ZFYVE1: variants seen among roughly 807,000 people sequenced by gnomAD.
ZFYVE1 encodes the protein zinc finger FYVE-type containing 1.
A neutral mutation model predicts 74.4 loss-of-function variants in ZFYVE1; 30 were observed. That is an observed-to-expected ratio of 0.40 (90% confidence interval 0.30 to 0.55). The LOEUF (loss-of-function observed/expected upper bound fraction) is 0.55, where lower values mean the gene tolerates loss of function less well. Among genes scored for constraint, ZFYVE1 ranks in the 20% least tolerant of loss-of-function variants. The pLI, the probability that ZFYVE1 is intolerant of heterozygous loss-of-function variation, is 0.42. For missense variants in ZFYVE1, 703 were observed against 1,011.6 expected (o/e 0.69, Z 4.14); for synonymous variants, 335 against 385.1 (o/e 0.87, Z 1.52).
intron 2 of ZFYVE1, among the ~76,000 whole-genome samples, chr14:73,000,963 C>T (rs1893856756): frequency 6.6e-6 from 1 of 152,202 alleles, no homozygotes; most frequent in African/African-American, 2.4e-5. Flanking sequence ...GCATTTCTTA[C>T]ACGTGCTCTT....
chr14:72,978,067 C>T (rs773939972), intron 7 of ZFYVE1, 23 bp from the exon 8 acceptor site: 6 of 1,613,952 alleles, frequency 3.7e-6, no homozygotes, highest in African/African-American at 2.7e-5. Flanking sequence ...CAAATCAATA[C>T]TGTTACCCAG....
chr14:73,000,608 G>GAA (rs554256584), intron 2 of ZFYVE1, among the ~76,000 whole-genome samples: 4 of 113,388 alleles, frequency 3.5e-5, no homozygotes, highest in Admixed American at 9.1e-5. Context: ...TGTCTCTAAA[G>GAA]AAAAAAAAAA....
chr14:73,005,636 A>T (rs752431871), intron 2 of ZFYVE1, among the ~76,000 whole-genome samples: 2 of 152,192 alleles, frequency 1.3e-5, no homozygotes, highest in Non-Finnish European at 2.9e-5. Context: ...ATGAGATAAT[A>T]ACAGATGTCC....
At chr14:72,980,184 G>T (rs771963466) in intron 5 of ZFYVE1, among the ~76,000 whole-genome samples, 1 of 152,186 alleles carries the variant, frequency 6.6e-6, no homozygotes, top group Non-Finnish European at 1.5e-5. Context: ...CAAGAAGCAG[G>T]TCTTTTTCTC....
intron 4 of ZFYVE1, among the ~76,000 whole-genome samples, chr14:72,991,574 C>T (rs1016957746): frequency 6.6e-6 from 1 of 151,238 alleles, no homozygotes; most frequent in Non-Finnish European, 1.5e-5. Context: ...GCCTATTTGC[C>T]TTATAATGCA....
intron 2 of ZFYVE1, among the ~76,000 whole-genome samples, chr14:73,009,300 T>G (rs1485705328): frequency 6.6e-6 from 1 of 152,246 alleles, no homozygotes. Flanking sequence ...ATAGGATTTC[T>G]GCAAAAATTA....
chr14:73,013,654 C>T (rs1277611272), intron 2 of ZFYVE1, among the ~76,000 whole-genome samples: 2 of 151,956 alleles, frequency 1.3e-5, no homozygotes, highest in African/African-American at 4.8e-5. Flanking sequence ...AAATATTCTC[C>T]AGGGAAGTAT....
At chr14:73,017,268 T>G (rs1176850918) in intron 2 of ZFYVE1, among the ~76,000 whole-genome samples, 1 of 152,260 alleles carries the variant, frequency 6.6e-6, no homozygotes, top group Non-Finnish European at 1.5e-5. Context: ...TCAGCACTAC[T>G]GACCTTTTAT....
rs78439368 is a variant in ZFYVE1, at chr14:73,020,304, A to G, written c.483+3722T>C. ...AAAGGAAAGGAAAGGATAAGTATACATGAAAAAATTCTAGAAAGGCATGCA... is the reference window on the plus strand; with the variant it reads ...AAAGGAAAGGAAAGGATAAGTATACGTGAAAAAATTCTAGAAAGGCATGCA... On this transcript the variant is annotated intron_variant, in intron 2 of 11. Coordinates refer to ENST00000556143, the MANE Select transcript of ZFYVE1 (RefSeq NM_021260.4). Among the ~76,000 whole-genome samples the G allele has an allele frequency of 9.3e-4, 141 of 151,524 alleles. No homozygotes were observed. The East Asian group carries it at 0.026, about 28-fold the overall frequency.
In ZFYVE1 at chr14:73,012,033, T is replaced by C. The variant is rs761584788; in HGVS notation, c.483+11993A>G. Reference sequence around the variant, plus strand: ...GACTTTGAGACCAGCCTGGGCAACATAGCAAGACCCCATCTCTATTAAAAA... The same window carrying C: ...GACTTTGAGACCAGCCTGGGCAACACAGCAAGACCCCATCTCTATTAAAAA... On this transcript the variant is annotated intron_variant, in intron 2 of 11. Coordinates refer to ENST00000556143, the MANE Select transcript of ZFYVE1 (RefSeq NM_021260.4). Among the ~76,000 whole-genome samples, 7 of 150,886 alleles carry C rather than the reference T, an allele frequency of 4.6e-5. 1 individual carries two copies. The highest frequency in any genetic ancestry group is 7.4e-5 in the Non-Finnish European group (5 of 67,636).
Position 72,993,006 on chromosome 14 carries a change from A to G in ZFYVE1, c.1203+137T>C, listed in dbSNP as rs866075337. 21 of 805,414 alleles carry G rather than the reference A, an allele frequency of 2.6e-5. No individual in the cohort carries two copies. The South Asian group carries it at 3.6e-4, about 14-fold the overall frequency. 49.9% of individuals were successfully genotyped at this position (805,414 alleles called of 1,614,324 possible). A position where few individuals can be genotyped will look rare whatever the true frequency, so the allele number is the denominator to read the frequency against. ...AAAGCATCTGACAGGTGCGGACTCCATTCATGTGCTTCCGCTTCTTATAAC... is the reference window on the plus strand; with the variant it reads ...AAAGCATCTGACAGGTGCGGACTCCGTTCATGTGCTTCCGCTTCTTATAAC... On this transcript the variant is annotated intron_variant, in intron 4 of 11. Transcript: ENST00000556143.
At chr14:72,980,788 C>T (rs899200224) in intron 5 of ZFYVE1, among the ~76,000 whole-genome samples, 13 of 151,934 alleles carry the variant, frequency 8.6e-5, no homozygotes, top group Middle Eastern at 6.8e-3. Flanking sequence ...GATCTGCTGA[C>T]CTCGTGATCC....
At chr14:73,019,002 G>T (rs1280212448) in intron 2 of ZFYVE1, among the ~76,000 whole-genome samples, 1 of 151,382 alleles carries the variant, frequency 6.6e-6, no homozygotes, top group Admixed American at 6.6e-5. Context: ...TGAATTAATG[G>T]ATGTCTTTGG....
At chr14:72,971,154 T>A (rs7144313) in intron 11 of ZFYVE1, 40 bp from the exon 12 acceptor site, 1 of 1,607,522 alleles carries the variant, frequency 6.2e-7, no homozygotes, top group East Asian at 2.2e-5. Flanking sequence ...CAAAGCCCAA[T>A]ACCCCGAGGC....
chr14:73,024,449 T>C lies in ZFYVE1; in HGVS notation c.60A>G (p.Glu20=), dbSNP rs1242603457. The C allele has an allele frequency of 1.2e-6, 2 of 1,613,852 alleles. No individual in the cohort carries two copies. Among genetic ancestry groups the C allele is most frequent in the Admixed American group, 3.3e-5 (2 of 59,962 alleles). ...CATCAGTCCCGCTGCAAGCGTAACT[T>C]TCCTGGCACATCAGCCCCGGATTCA... ...KGLNPGLMCQ[E]SYACSGTDEA... is the part of the protein sequence containing the mutation. Residue 20 remains glutamate (E), a synonymous_variant, in exon 2 of 12, where the codon GAA becomes GAG. Coordinates refer to ENST00000556143, the MANE Select transcript of ZFYVE1 (RefSeq NM_021260.4).
chr14:72,990,929 G>C (rs1195003214), intron 4 of ZFYVE1, among the ~76,000 whole-genome samples: 1 of 151,514 alleles, frequency 6.6e-6, no homozygotes, highest in Non-Finnish European at 1.5e-5. Context: ...CGAACTCCTA[G>C]CCTCACGTGA....
chr14:73,024,596 G>T lies in ZFYVE1; in HGVS notation c.-88C>A. On this transcript the variant is annotated 5_prime_UTR_variant, in exon 2 of 12. Coordinates refer to ENST00000556143, the MANE Select transcript of ZFYVE1 (RefSeq NM_021260.4). ...AGACGAAGATTTGAGTCTGAAGACT[G>T]CACGAAACTTCCACAGGGTTCTGAA... 1 of 1,496,698 alleles carries T rather than the reference G, an allele frequency of 6.7e-7. No homozygotes were observed. Among genetic ancestry groups the T allele is most frequent in the Middle Eastern group, 1.8e-4 (1 of 5,542 alleles). The allele number at this position is 1,496,698 out of a possible 1,614,324, so 92.7% of individuals were successfully genotyped here. A position where few individuals can be genotyped will look rare whatever the true frequency, so the allele number is the denominator to read the frequency against.
At position 72,969,523 on chromosome 14, in the gene ZFYVE1, C is replaced by A; in HGVS notation, c.*1359G>T. ...AGAGTAGGGTCCCAGTCACTGGACC[C>A]CAGGAGGCAGGAGGAGCAGGGCTGA... On this transcript the variant is annotated 3_prime_UTR_variant, in exon 12 of 12. Coordinates refer to ENST00000556143, the MANE Select transcript of ZFYVE1 (RefSeq NM_021260.4). The A allele has an allele frequency of 1.7e-6, 1 of 597,206 alleles. No individual in the cohort carries two copies. The highest frequency in any genetic ancestry group is 1.9e-5 in the African/African-American group (1 of 53,786). 37.0% of individuals were successfully genotyped at this position (597,206 alleles called of 1,614,324 possible).
chr14:72,974,224 C>A, intron 10 of ZFYVE1, 31 bp from the exon 11 acceptor site: 1 of 1,593,926 alleles, frequency 6.3e-7, no homozygotes, highest in Non-Finnish European at 8.6e-7. Flanking sequence ...AATGCTGTCA[C>A]CTCTAAGTCC....
Sources: gnomAD v4.1 joint callset for allele counts (sites outside exome capture counted in the v4.1 genomes callset) on GRCh38, gnomAD v4.1.1 for gene constraint, MANE v1.5 for transcripts, NCBI Gene and HGNC (gene_info 2026-07-23, HGNC 2026-07-21) for gene names.